THSD7B: variants seen among roughly 807,000 people sequenced by gnomAD.
THSD7B encodes the protein thrombospondin type-1 domain-containing protein 7B.
Under a neutral mutation model 213.6 loss-of-function variants are expected in THSD7B, and 138 were observed. That is an observed-to-expected ratio of 0.65 (90% CI 0.56 to 0.74). The LOEUF is 0.74. Ranked by LOEUF, THSD7B falls within the 30% of genes least tolerant of loss-of-function variation. THSD7B has a pLI of 0.00. For missense variants in THSD7B, 1,931 were observed against 1,991.5 expected (o/e 0.97, Z 0.58); for synonymous variants, 742 against 687.0 (o/e 1.08, Z -1.25).
At chr2:137,139,553 T>C (rs1558935413) in intron 5 of THSD7B, among the ~76,000 whole-genome samples, 2 of 152,152 alleles carry the variant, frequency 1.3e-5, no homozygotes, top group Admixed American at 1.3e-4. Context: ...ACTAAGAGGA[T>C]TTTTTTCTAT....
At chr2:136,943,162 G>C (rs1218980210) in intron 2 of THSD7B, among the ~76,000 whole-genome samples, 1 of 152,162 alleles carries the variant, frequency 6.6e-6, no homozygotes. Context: ...CATTGGTTCT[G>C]TTTATGTGAT....
intron 12 of THSD7B, among the ~76,000 whole-genome samples, chr2:137,328,768 C>A (rs1019773366): frequency 6.6e-6 from 1 of 152,166 alleles, no homozygotes; most frequent in African/African-American, 2.4e-5. Context: ...CTATGCTATT[C>A]TCGTGATAGT....
chr2:137,657,543 T>C (rs1278034684), intron 24 of THSD7B, among the ~76,000 whole-genome samples: 1 of 152,144 alleles, frequency 6.6e-6, no homozygotes, highest in African/African-American at 2.4e-5. Context: ...TACTCAGAAG[T>C]TGAAACTAAA....
intron 1 of THSD7B, among the ~76,000 whole-genome samples, chr2:136,824,063 C>G (rs1486199069): frequency 6.6e-6 from 1 of 152,098 alleles, no homozygotes; most frequent in African/African-American, 2.4e-5. Context: ...ACTCAATATT[C>G]ATTTATCACC....
chr2:137,419,793 A>G (rs1184118052), intron 14 of THSD7B, among the ~76,000 whole-genome samples: 1 of 151,826 alleles, frequency 6.6e-6, no homozygotes, highest in Admixed American at 6.6e-5. Context: ...TTCACTGGGG[A>G]CCTGTCCCTG....
intron 7 of THSD7B, among the ~76,000 whole-genome samples, chr2:137,196,477 A>G (rs1164886259): frequency 7.1e-6 from 1 of 140,996 alleles, no homozygotes; most frequent in African/African-American, 2.7e-5. Flanking sequence ...TAAACTTTTA[A>G]CATTATTTTT....
At chr2:137,488,408 G>A (rs1415005947) in intron 15 of THSD7B, among the ~76,000 whole-genome samples, 1 of 152,006 alleles carries the variant, frequency 6.6e-6, no homozygotes, top group African/African-American at 2.4e-5. Context: ...AAGAATATAT[G>A]TGTCTTTTAT....
intron 5 of THSD7B, among the ~76,000 whole-genome samples, chr2:137,130,371 A>G (rs1256070076): frequency 6.6e-6 from 1 of 151,750 alleles, no homozygotes; most frequent in African/African-American, 2.4e-5. Context: ...CCCAAGCCTC[A>G]CCTTTTTATT....
At chr2:136,858,249 T>C (rs1412259836) in intron 1 of THSD7B, among the ~76,000 whole-genome samples, 1 of 152,226 alleles carries the variant, frequency 6.6e-6, no homozygotes, top group Non-Finnish European at 1.5e-5. Flanking sequence ...TTTCACTGTT[T>C]CTGGAATCCT....
At chr2:136,987,049 T>C (rs1685685417) in intron 2 of THSD7B, among the ~76,000 whole-genome samples, 1 of 152,220 alleles carries the variant, frequency 6.6e-6, no homozygotes, top group Non-Finnish European at 1.5e-5. Context: ...TGCATGGTGT[T>C]ATTTCATTAT....
At chr2:137,070,693 C>A (rs925984778) in intron 3 of THSD7B, among the ~76,000 whole-genome samples, 36 of 151,988 alleles carry the variant, frequency 2.4e-4, no homozygotes, top group Non-Finnish European at 4.4e-4. Flanking sequence ...GGTATATCTC[C>A]TAATGCTATC....
chr2:137,476,172 T>A (rs1688187237), intron 15 of THSD7B, among the ~76,000 whole-genome samples: 2 of 152,132 alleles, frequency 1.3e-5, no homozygotes, highest in African/African-American at 4.8e-5. Context: ...TTTTTGTTTT[T>A]TCTCTTGAGT....
intron 15 of THSD7B, among the ~76,000 whole-genome samples, chr2:137,459,730 T>G (rs1009601836): frequency 6.6e-6 from 1 of 152,100 alleles, no homozygotes; most frequent in African/African-American, 2.4e-5. Flanking sequence ...CTAGGTCTTT[T>G]GAAATCTGGA....
intron 12 of THSD7B, among the ~76,000 whole-genome samples, chr2:137,284,520 T>G (rs1683119779): frequency 6.6e-6 from 1 of 152,166 alleles, no homozygotes; most frequent in Non-Finnish European, 1.5e-5. Context: ...CTTTCCTGCT[T>G]TCTCTTGTGG....
At chr2:137,184,226 A>T (rs1040559227) in intron 7 of THSD7B, among the ~76,000 whole-genome samples, 10 of 152,156 alleles carry the variant, frequency 6.6e-5, no homozygotes, top group African/African-American at 2.4e-4. Flanking sequence ...GGAGGGAAAA[A>T]GGGCTAAGCA....
At chr2:137,179,412 A>G (rs1220668034) in intron 7 of THSD7B, among the ~76,000 whole-genome samples, 1 of 152,102 alleles carries the variant, frequency 6.6e-6, no homozygotes, top group Non-Finnish European at 1.5e-5. Flanking sequence ...TTTTCCCTCT[A>G]TGTAGACACA....
chr2:137,554,006 C>T (rs968232836), intron 15 of THSD7B, among the ~76,000 whole-genome samples: 6 of 144,338 alleles, frequency 4.2e-5, no homozygotes, highest in South Asian at 4.6e-4. Context: ...ACATTTTTCA[C>T]GATTCTTAAA....
At chr2:137,400,477 C>G (rs1356777192) in intron 12 of THSD7B, among the ~76,000 whole-genome samples, 1 of 152,060 alleles carries the variant, frequency 6.6e-6, no homozygotes, top group East Asian at 1.9e-4. Context: ...GGCAAAGACT[C>G]TATGATTTCC....
chr2:136,852,612 G>A (rs573214264), intron 1 of THSD7B, among the ~76,000 whole-genome samples: 127 of 152,292 alleles, frequency 8.3e-4, no homozygotes, highest in Non-Finnish European at 1.3e-3. Flanking sequence ...TGTTATGGTA[G>A]CAATATAAAA....
Sources: allele counts gnomAD v4.1 joint callset (sites outside exome capture counted in the v4.1 genomes callset), GRCh38; gene constraint gnomAD v4.1.1; transcripts MANE v1.5; gene names NCBI Gene and HGNC (gene_info 2026-07-23, HGNC 2026-07-21).